DLG2: variants seen among roughly 807,000 people sequenced by gnomAD.
The protein encoded by DLG2 is discs large MAGUK scaffold protein 2.
In DLG2, 45 loss-of-function variants were observed where a neutral mutation model predicts 132.5. That is an observed-to-expected ratio of 0.34 (90% CI 0.27 to 0.44). The LOEUF (loss-of-function observed/expected upper bound fraction) is 0.44, where lower values mean the gene tolerates loss of function less well. DLG2 is among the 20% of genes least tolerant of loss of function. The probability of loss-of-function intolerance (pLI) is 1.00; values close to 1 mark genes in which losing one functional copy is unlikely to be tolerated. For missense variants in DLG2, 1,045 were observed against 1,196.9 expected, an observed-to-expected ratio of 0.87 and a Z score of 1.87; for synonymous variants, 424 against 419.6, an observed-to-expected ratio of 1.01 and a Z score of -0.13.
chr11:84,509,689 A>G (rs532152845), intron 7 of DLG2, among the ~76,000 whole-genome samples: 154 of 152,344 alleles, frequency 1.0e-3, no homozygotes, highest in African/African-American at 3.4e-3. Context: ...TAAGTACAAA[A>G]TCTATATGTT....
intron 4 of DLG2, among the ~76,000 whole-genome samples, chr11:85,230,155 T>C (rs2075218650): frequency 6.6e-6 from 1 of 152,024 alleles, no homozygotes; most frequent in South Asian, 2.1e-4. Flanking sequence ...CAAAGACTGT[T>C]AACTAAATGT....
chr11:85,013,712 TAA>T lies in DLG2; in HGVS notation c.357+97947_357+97948del, dbSNP rs544583462. On this transcript the variant is annotated intron_variant, in intron 6 of 27. Coordinates refer to ENST00000376104, the MANE Select transcript of DLG2 (RefSeq NM_001142699.3). ...GAAGATAAAATTTTTGAAAATAAGT[TAA>T]GTTACTAAGTATATTCTTTATAACT... is the stretch of plus-strand genomic sequence containing the variant. Among the ~76,000 whole-genome samples the T allele has an allele frequency of 4.3e-3, 654 of 152,264 alleles. 1 individual carries two copies. The highest frequency in any genetic ancestry group is 7.6e-3 in the Non-Finnish European group (519 of 68,014).
chr11:84,450,381 T>G (rs1332475968), intron 7 of DLG2, among the ~76,000 whole-genome samples: 2 of 149,400 alleles, frequency 1.3e-5, no homozygotes, highest in Non-Finnish European at 3.0e-5. Context: ...ATTTAGTACT[T>G]AGAAAACAGA....
intron 4 of DLG2, among the ~76,000 whole-genome samples, chr11:85,158,488 A>C (rs1434251379): frequency 6.6e-6 from 1 of 152,168 alleles, no homozygotes; most frequent in Non-Finnish European, 1.5e-5. Flanking sequence ...TACTCATCCC[A>C]GCTGGGAGGT....
intron 7 of DLG2, among the ~76,000 whole-genome samples, chr11:84,510,076 G>C (rs185266714): frequency 2.3e-4 from 34 of 148,048 alleles, no homozygotes; most frequent in Admixed American, 1.0e-3. Context: ...AAAACAATCA[G>C]AAAGTAGTAA....
intron 18 of DLG2, among the ~76,000 whole-genome samples, chr11:83,753,235 C>T (rs556680449): frequency 2.2e-4 from 33 of 152,110 alleles, no homozygotes; most frequent in African/African-American, 7.7e-4. Flanking sequence ...CCAGCCTGGC[C>T]AACATGGAGA....
At chr11:84,630,955 G>T (rs975421550) in intron 6 of DLG2, among the ~76,000 whole-genome samples, 2 of 133,886 alleles carry the variant, frequency 1.5e-5, no homozygotes, top group Non-Finnish European at 3.1e-5. Context: ...CTATGAACTT[G>T]GTCTGGGTGA....
At chr11:84,843,170 T>C (rs2080926029) in intron 6 of DLG2, among the ~76,000 whole-genome samples, 1 of 151,984 alleles carries the variant, frequency 6.6e-6, no homozygotes, top group South Asian at 2.1e-4. Context: ...GTAATGGATA[T>C]GTTGATTAGC....
chr11:85,359,557 T>C (rs1046519108), intron 3 of DLG2, among the ~76,000 whole-genome samples: 4 of 152,166 alleles, frequency 2.6e-5, no homozygotes, highest in Admixed American at 6.5e-5. Flanking sequence ...GAAATAAAGA[T>C]CAATAAGACA....
chr11:84,121,793 C>T (rs1347304236), intron 9 of DLG2, among the ~76,000 whole-genome samples: 1 of 151,446 alleles, frequency 6.6e-6, no homozygotes, highest in African/African-American at 2.4e-5. Flanking sequence ...TATCTCCTGA[C>T]CTTGTGATCT....
At chr11:83,998,891 T>A (rs2094188310) in intron 11 of DLG2, among the ~76,000 whole-genome samples, 1 of 152,172 alleles carries the variant, frequency 6.6e-6, no homozygotes, top group African/African-American at 2.4e-5. Context: ...GTGGGCTACT[T>A]CAGCCAGGGC....
chr11:84,241,235 G>C (rs1489456184), intron 8 of DLG2, among the ~76,000 whole-genome samples: 3 of 152,122 alleles, frequency 2.0e-5, no homozygotes, highest in Admixed American at 6.5e-5. Flanking sequence ...AAATGTGCAG[G>C]GTTTCTGAGG....
chr11:83,505,055 T>C (rs1016845965), intron 21 of DLG2, among the ~76,000 whole-genome samples: 1 of 152,176 alleles, frequency 6.6e-6, no homozygotes, highest in African/African-American at 2.4e-5. Context: ...GTGTGTACCA[T>C]GACAGTGGAT....
At chr11:85,568,940 T>C (rs1171867388) in intron 3 of DLG2, among the ~76,000 whole-genome samples, 1 of 152,192 alleles carries the variant, frequency 6.6e-6, no homozygotes, top group Non-Finnish European at 1.5e-5. Context: ...TTTCCTTCCC[T>C]GTTTGCTTTG....
intron 10 of DLG2, among the ~76,000 whole-genome samples, chr11:84,091,562 C>G (rs535567099): frequency 1.3e-5 from 2 of 152,166 alleles, no homozygotes; most frequent in Non-Finnish European, 2.9e-5. Context: ...TACCGGAGAC[C>G]TGCAACAGCA....
intron 3 of DLG2, among the ~76,000 whole-genome samples, chr11:85,309,550 C>A (rs1201750981): frequency 2.6e-5 from 4 of 151,906 alleles, no homozygotes; most frequent in Admixed American, 6.6e-5. Flanking sequence ...GAAAAGATTC[C>A]CAATAGGCAT....
intron 14 of DLG2, among the ~76,000 whole-genome samples, chr11:83,953,811 A>G (rs1329899181): frequency 6.6e-6 from 1 of 152,180 alleles, no homozygotes; most frequent in Non-Finnish European, 1.5e-5. Context: ...TAAGCTTCAC[A>G]TTGTGTTCAT....
intron 6 of DLG2, among the ~76,000 whole-genome samples, chr11:84,786,704 A>G (rs17741047): frequency 0.27 from 41,586 of 152,084 alleles, 6,256 homozygotes; most frequent in Middle Eastern, 0.32. Context: ...CATTGATAAG[A>G]GCTGCCTCAA....
intron 12 of DLG2, among the ~76,000 whole-genome samples, chr11:83,970,844 C>G (rs1384627257): frequency 2.0e-5 from 3 of 152,174 alleles, no homozygotes; most frequent in Non-Finnish European, 4.4e-5. Context: ...CATCTGTGAA[C>G]TGATGAGTTT....
Sources: allele counts gnomAD v4.1 joint callset (sites outside exome capture counted in the v4.1 genomes callset), GRCh38; gene constraint gnomAD v4.1.1; transcripts MANE v1.5; gene names NCBI Gene and HGNC (gene_info 2026-07-23, HGNC 2026-07-21).